The following MGMT variants were observed in gnomAD, a reference collection of about 807,000 sequenced individuals.
MGMT encodes the protein O-6-methylguanine-DNA methyltransferase.
A neutral mutation model predicts 15.9 loss-of-function variants in MGMT; 14 were observed. The ratio of observed to expected loss-of-function variants is 0.88; its 90% CI spans 0.58 to 1.37. The LOEUF is 1.37. MGMT is among the 40% of genes most tolerant of loss of function. The pLI, the probability that MGMT is intolerant of heterozygous loss-of-function variation, is 0.00. For missense variants in MGMT, 282 were observed against 268.1 expected (o/e 1.05, Z -0.36); for synonymous variants, 130 against 118.2 (o/e 1.10, Z -0.65).
chr10:129,670,889 T>C (rs182901281), intron 2 of MGMT, among the ~76,000 whole-genome samples: 87 of 152,354 alleles, frequency 5.7e-4, no homozygotes, highest in Non-Finnish European at 1.0e-4. Context: ...TTTCTGTATG[T>C]GAAAATTATC....
intron 1 of MGMT, among the ~76,000 whole-genome samples, chr10:129,492,211 C>T (rs1480995995): frequency 6.6e-6 from 1 of 152,100 alleles, no homozygotes; most frequent in East Asian, 1.9e-4. Context: ...TGGACCTTCC[C>T]TTTGAGCATG....
At chr10:129,630,077 T>C (rs1365736450) in intron 2 of MGMT, among the ~76,000 whole-genome samples, 2 of 152,208 alleles carry the variant, frequency 1.3e-5, no homozygotes, top group Non-Finnish European at 2.9e-5. Flanking sequence ...TGCAGCTGTG[T>C]TCTTTGTCTG....
chr10:129,757,036 T>C (rs1848815029), intron 3 of MGMT, among the ~76,000 whole-genome samples: 1 of 152,268 alleles, frequency 6.6e-6, no homozygotes, highest in African/African-American at 2.4e-5. Flanking sequence ...AACTAATTAC[T>C]GCATTCGTTC....
intron 2 of MGMT, among the ~76,000 whole-genome samples, chr10:129,560,145 G>A (rs1202330218): frequency 6.6e-6 from 1 of 152,194 alleles, no homozygotes; most frequent in African/African-American, 2.4e-5. Context: ...GGAGAGCACG[G>A]GGCGTTCTTG....
Position 129,560,863 on chromosome 10 carries a change from G to A in MGMT, c.125+24486G>A, listed in dbSNP as rs551630307. Among the ~76,000 whole-genome samples, 9 of 152,048 alleles carry A rather than the reference G, an allele frequency of 5.9e-5. No individual in the cohort carries two copies. The South Asian group carries it at 1.5e-3, about 25-fold the overall frequency. ...GCTATGGAATTTCATTGAAAGCATCGAAATATGAGACTAACACAGAATACT... is the reference window on the plus strand; with the variant it reads ...GCTATGGAATTTCATTGAAAGCATCAAAATATGAGACTAACACAGAATACT... On this transcript the variant is annotated intron_variant, in intron 2 of 4. Coordinates refer to ENST00000651593, the MANE Select transcript of MGMT (RefSeq NM_002412.5).
intron 3 of MGMT, among the ~76,000 whole-genome samples, chr10:129,723,298 A>G (rs1186593626): frequency 3.3e-5 from 5 of 152,150 alleles, no homozygotes; most frequent in South Asian, 2.1e-4. Context: ...CTGAGTCCCC[A>G]AAGTCTATTG....
At chr10:129,735,581 G>T (rs1443864862) in intron 3 of MGMT, among the ~76,000 whole-genome samples, 5 of 148,056 alleles carry the variant, frequency 3.4e-5, no homozygotes, top group African/African-American at 1.2e-4. Context: ...TCTGATTTTA[G>T]TTATTTCTTG....
At chr10:129,604,789 A>G (rs1846869471) in intron 2 of MGMT, among the ~76,000 whole-genome samples, 1 of 128,648 alleles carries the variant, frequency 7.8e-6, no homozygotes, top group African/African-American at 3.0e-5. Context: ...TATCATTTTC[A>G]CAATGATGTC....
At chr10:129,725,587 C>T (rs565130182) in intron 3 of MGMT, among the ~76,000 whole-genome samples, 223 of 152,320 alleles carry the variant, frequency 1.5e-3, no homozygotes, top group Admixed American at 4.4e-3. Context: ...CATGGCATGC[C>T]TATTGCCCCA....
rs1293188269 is a variant in MGMT, at chr10:129,518,325, G to GACACACACACACAC, written c.-12-17915_-12-17914insCACACACACACACA. ...GAAAATTCTAAATGATGTGTGTACA[G>GACACACACACACAC]ATACACACACATACACACACACACA... On this transcript the variant is annotated intron_variant, in intron 1 of 4. Coordinates refer to ENST00000651593, the MANE Select transcript of MGMT (RefSeq NM_002412.5). Among the ~76,000 whole-genome samples, 88 of 88,094 alleles carry GACACACACACACAC rather than the reference G, an allele frequency of 1.0e-3. 1 individual carries two copies. Among genetic ancestry groups the GACACACACACACAC allele is most frequent in the African/African-American group, 2.6e-3 (59 of 22,426 alleles). 57.8% of individuals were successfully genotyped at this position (88,094 alleles called of 152,430 possible).
chr10:129,568,659 C>T (rs1451210011), intron 2 of MGMT, among the ~76,000 whole-genome samples: 1 of 152,176 alleles, frequency 6.6e-6, no homozygotes, highest in Non-Finnish European at 1.5e-5. Flanking sequence ...TCTCCAGTTT[C>T]TGAGACCCCT....
At chr10:129,572,483 G>C (rs140087780) in intron 2 of MGMT, among the ~76,000 whole-genome samples, 127 of 152,318 alleles carry the variant, frequency 8.3e-4, no homozygotes, top group African/African-American at 2.4e-3. Context: ...GACGTCCTCA[G>C]AGTGTCTTCT....
chr10:129,709,797 C>G (rs1258244370), intron 3 of MGMT, among the ~76,000 whole-genome samples: 1 of 152,164 alleles, frequency 6.6e-6, no homozygotes, highest in African/African-American at 2.4e-5. Context: ...CCCTGCTGGC[C>G]TGGTCTCACC....
chr10:129,679,690 A>C (rs1215965655), intron 2 of MGMT, among the ~76,000 whole-genome samples: 1 of 152,166 alleles, frequency 6.6e-6, no homozygotes, highest in Non-Finnish European at 1.5e-5. Context: ...TTAATGAAAG[A>C]TTTTATTTTT....
intron 2 of MGMT, among the ~76,000 whole-genome samples, chr10:129,686,819 G>A (rs980614810): frequency 1.3e-4 from 20 of 152,222 alleles, no homozygotes; most frequent in Admixed American, 7.2e-4. Flanking sequence ...GAGGAAGGCC[G>A]GGAGAGAAGT....
intron 2 of MGMT, among the ~76,000 whole-genome samples, chr10:129,682,521 GATGAGAC>G (rs1232790105): frequency 3.3e-5 from 5 of 152,010 alleles, no homozygotes; most frequent in Non-Finnish European, 7.3e-5. Flanking sequence ...GTGTCTTTGT[GATGAGAC>G]AGTTCAGTAT....
At chr10:129,726,679 C>A (rs1303621390) in intron 3 of MGMT, among the ~76,000 whole-genome samples, 2 of 152,166 alleles carry the variant, frequency 1.3e-5, no homozygotes, top group African/African-American at 4.8e-5. Context: ...ATTTAAATAT[C>A]AGTCATTTTC....
chr10:129,754,733 T>C (rs1848786593), intron 3 of MGMT, among the ~76,000 whole-genome samples: 1 of 152,202 alleles, frequency 6.6e-6, no homozygotes. Flanking sequence ...CGAGGAAGCA[T>C]GCCAGACAGG....
chr10:129,639,939 AGACT>A (rs767652247), intron 2 of MGMT, among the ~76,000 whole-genome samples: 1 of 130,340 alleles, frequency 7.7e-6, no homozygotes, highest in African/African-American at 2.9e-5. Flanking sequence ...ATCGGTGGCT[AGACT>A]GACCAAAAAA....
Sources: gnomAD v4.1 joint callset for allele counts (sites outside exome capture counted in the v4.1 genomes callset) on GRCh38, gnomAD v4.1.1 for gene constraint, MANE v1.5 for transcripts, NCBI Gene and HGNC (gene_info 2026-07-23, HGNC 2026-07-21) for gene names.